The following TTC23 variants were observed in gnomAD, a reference collection of about 807,000 sequenced individuals.
The protein encoded by TTC23 is tetratricopeptide repeat domain 23.
TTC23 carries 58 observed loss-of-function variants against 55.1 expected under a neutral mutation model. The observed-to-expected ratio is 1.05, with a 90% CI of 0.85 to 1.31. The LOEUF (loss-of-function observed/expected upper bound fraction) is 1.31. Ranked by LOEUF, TTC23 falls within the 50% of genes most tolerant of loss-of-function variation. TTC23 has a pLI of 0.00. For synonymous variants in TTC23, 203 were observed against 199.9 expected (o/e 1.02, Z -0.13); for missense variants, 516 against 534.4 (o/e 0.97, Z 0.34).
chr15:99,212,244 G>T (rs2077093471), intron 8 of TTC23, among the ~76,000 whole-genome samples: 1 of 148,410 alleles, frequency 6.7e-6, no homozygotes, highest in South Asian at 2.2e-4. Flanking sequence ...TGCATAGAAA[G>T]ATAATTTAAA....
At chr15:99,142,786 A>T (rs12324825) in intron 12 of TTC23, among the ~76,000 whole-genome samples, 57,796 of 152,016 alleles carry the variant, frequency 0.38, 11,193 homozygotes, top group Middle Eastern at 0.52. Flanking sequence ...CCCACCTGTT[A>T]CAAACCCGTG....
At chr15:99,246,943 A>G (rs988675286) in intron 1 of TTC23, among the ~76,000 whole-genome samples, 1 of 152,164 alleles carries the variant, frequency 6.6e-6, no homozygotes, top group African/African-American at 2.4e-5. Flanking sequence ...CAAACAAACA[A>G]AAACCAAAAA....
chr15:99,225,906 A>G (rs1379500811), intron 5 of TTC23, among the ~76,000 whole-genome samples: 1 of 152,242 alleles, frequency 6.6e-6, no homozygotes, highest in Non-Finnish European at 1.5e-5. Flanking sequence ...TACGAAGACA[A>G]ACAGACATTC....
At chr15:99,163,187 C>T (rs1003049064) in intron 10 of TTC23, among the ~76,000 whole-genome samples, 2 of 152,126 alleles carry the variant, frequency 1.3e-5, no homozygotes, top group Admixed American at 6.5e-5. Context: ...CCTTTAAAAG[C>T]AGAGTTTTCT....
intron 12 of TTC23, among the ~76,000 whole-genome samples, chr15:99,154,011 C>T (rs952477655): frequency 3.9e-5 from 6 of 152,086 alleles, no homozygotes; most frequent in East Asian, 1.9e-4. Context: ...TAGAAAAATA[C>T]GGTTTGCCAA....
rs147446509 is a variant in TTC23 at position 99,141,368 on chromosome 15, A to G, written c.1144-1969T>C. ...TTAATATGAAGTTTTAAAACATGCA[A>G]AACAAAACCATAGTAAAATAAGAAG... On this transcript the variant is annotated intron_variant, in intron 12 of 13. Transcript: ENST00000394132. Among the ~76,000 whole-genome samples, 824 of 152,294 alleles carry G rather than the reference A, an allele frequency of 5.4e-3. 6 individuals carry two copies. The highest frequency in any genetic ancestry group is 0.027 in the Middle Eastern group (8 of 294).
At chr15:99,203,402 C>G (rs1322645833) in intron 8 of TTC23, among the ~76,000 whole-genome samples, 1 of 152,052 alleles carries the variant, frequency 6.6e-6, no homozygotes, top group South Asian at 2.1e-4. Context: ...TATAAGCACA[C>G]AAAGTTAATG....
intron 8 of TTC23, among the ~76,000 whole-genome samples, chr15:99,202,128 C>T (rs2076250824): frequency 6.6e-6 from 1 of 152,182 alleles, no homozygotes; most frequent in Non-Finnish European, 1.5e-5. Flanking sequence ...CCTACAACAT[C>T]TGAAATACTT....
intron 10 of TTC23, among the ~76,000 whole-genome samples, chr15:99,166,204 C>G (rs558413163): frequency 1.6e-3 from 244 of 152,336 alleles, no homozygotes; most frequent in African/African-American, 5.6e-3. Context: ...GCCGATCTCC[C>G]TGGCACGGGT....
At chr15:99,202,551 G>A (rs2076284546) in intron 8 of TTC23, among the ~76,000 whole-genome samples, 2 of 152,184 alleles carry the variant, frequency 1.3e-5, no homozygotes, top group Admixed American at 6.5e-5. Context: ...CTTCTTTCCT[G>A]AGATAAGCCA....
intron 10 of TTC23, among the ~76,000 whole-genome samples, chr15:99,162,900 C>T (rs754707044): frequency 3.3e-5 from 5 of 151,086 alleles, no homozygotes; most frequent in African/African-American, 7.3e-5. Flanking sequence ...GTCAACATGG[C>T]GAAACAAAAA....
intron 5 of TTC23, among the ~76,000 whole-genome samples, chr15:99,223,426 A>G (rs2078116455): frequency 6.6e-6 from 1 of 152,210 alleles, no homozygotes; most frequent in Non-Finnish European, 1.5e-5. Context: ...GGGCATGCAT[A>G]TGGAGAAATG....
upstream of TTC23, among the ~76,000 whole-genome samples, chr15:99,250,053 C>G (rs922237941): frequency 6.6e-6 from 1 of 152,052 alleles, no homozygotes; most frequent in Non-Finnish European, 1.5e-5. Flanking sequence ...AACTGTTCTA[C>G]TGTTAATCTT....
At chr15:99,177,410 G>A (rs1021250408) in intron 9 of TTC23, among the ~76,000 whole-genome samples, 1 of 152,156 alleles carries the variant, frequency 6.6e-6, no homozygotes, top group Non-Finnish European at 1.5e-5. Context: ...TGACTTAAAT[G>A]TTTTCCAAAT....
Position 99,228,733 on chromosome 15 carries a change from C to G in TTC23, c.-20-1G>C, listed in dbSNP as rs2078678010. The G allele has an allele frequency of 2.6e-6, 4 of 1,536,290 alleles. No homozygotes were observed. The highest frequency in any genetic ancestry group is 3.5e-6 in the Non-Finnish European group (4 of 1,139,802). On this transcript the variant is annotated splice_acceptor_variant, in intron 4 of 13. Transcript: ENST00000394132. LOFTEE classifies it low-confidence loss of function (5UTR_SPLICE). The stretch of plus-strand genomic sequence containing the variant: ...TGCATATTTTTATATACATTGTCTT[C>G]TAATTTTAAAATAAAAAACAAAGAT...
At chr15:99,226,405 A>C (rs1249560143) in intron 5 of TTC23, among the ~76,000 whole-genome samples, 1 of 152,252 alleles carries the variant, frequency 6.6e-6, no homozygotes, top group African/African-American at 2.4e-5. Context: ...AGAGTCAGAG[A>C]ACAAAGCAAT....
At chr15:99,163,701 G>A (rs1026433267) in intron 10 of TTC23, among the ~76,000 whole-genome samples, 17 of 152,200 alleles carry the variant, frequency 1.1e-4, no homozygotes, top group Non-Finnish European at 1.9e-4. Context: ...TAAGTCATGA[G>A]GATGGCACCC....
intron 12 of TTC23, chr15:99,155,319 A>C (rs1252552363): frequency 6.6e-6 from 1 of 152,222 alleles, no homozygotes; most frequent in African/African-American, 2.4e-5. Context: ...AAATGGAAAG[A>C]TATCCCTTGT....
At chr15:99,187,609 C>T (rs553226664) in intron 9 of TTC23, among the ~76,000 whole-genome samples, 1 of 151,896 alleles carries the variant, frequency 6.6e-6, no homozygotes, top group Admixed American at 6.6e-5. Context: ...TATCCAGTAT[C>T]CAGAATATGT....
Sources: gnomAD v4.1 joint callset for allele counts (sites outside exome capture counted in the v4.1 genomes callset) on GRCh38, gnomAD v4.1.1 for gene constraint, MANE v1.5 for transcripts, NCBI Gene and HGNC (gene_info 2026-07-23, HGNC 2026-07-21) for gene names.